The following PTPRO variants were observed in gnomAD, a reference collection of about 807,000 sequenced individuals.
PTPRO encodes the protein protein tyrosine phosphatase receptor type O.
A neutral mutation model predicts 145.2 loss-of-function variants in PTPRO; 62 were observed. That is an observed-to-expected ratio of 0.43 (90% confidence interval 0.35 to 0.53). The LOEUF is 0.53. Among genes scored for constraint, PTPRO ranks in the 20% least tolerant of loss-of-function variants. The probability of loss-of-function intolerance (pLI) is 0.01; values close to 1 mark genes in which losing one functional copy is unlikely to be tolerated. For synonymous variants in PTPRO, 565 were observed against 514.7 expected (o/e 1.10, Z -1.32); for missense variants, 1,345 against 1,482.7 (o/e 0.91, Z 1.53).
chr12:15,410,352 T>G (rs1189355104), intron 1 of PTPRO: 2 of 152,306 alleles, frequency 1.3e-5, no homozygotes, highest in Non-Finnish European at 2.9e-5. Flanking sequence ...GGTGGCATAC[T>G]CCAATATGGA....
intron 19 of PTPRO, among the ~76,000 whole-genome samples, chr12:15,576,222 C>A (rs1181063202): frequency 6.6e-6 from 1 of 152,204 alleles, no homozygotes; most frequent in Non-Finnish European, 1.5e-5. Flanking sequence ...AGCTGCTGAA[C>A]TGGAAACTTA....
intron 17 of PTPRO, among the ~76,000 whole-genome samples, chr12:15,564,961 A>G (rs1306894453): frequency 6.6e-6 from 1 of 152,220 alleles, no homozygotes; most frequent in Non-Finnish European, 1.5e-5. Context: ...TAACTAAAGC[A>G]TGCATTAGCA....
chr12:15,432,359 T>G (rs1940465792), intron 1 of PTPRO, among the ~76,000 whole-genome samples: 1 of 152,254 alleles, frequency 6.6e-6, no homozygotes, highest in Non-Finnish European at 1.5e-5. Flanking sequence ...CTGCATAGTA[T>G]TCTATGATGT....
chr12:15,583,471 C>CTCTA (rs948151119), intron 23 of PTPRO, among the ~76,000 whole-genome samples: 1 of 147,826 alleles, frequency 6.8e-6, no homozygotes, highest in African/African-American at 2.5e-5. Flanking sequence ...AAGAGCAAGA[C>CTCTA]TCTATCTCCA....
At position 15,443,196 on chromosome 12, in the gene PTPRO, G is replaced by A. The variant is rs181191950; in HGVS notation, c.76-40778G>A. ...CCATCTGATGTGTAGAACACCTAAAGCCATCTGATCTTTGACAAAGTTGAC... is the reference window on the plus strand; with the variant it reads ...CCATCTGATGTGTAGAACACCTAAAACCATCTGATCTTTGACAAAGTTGAC... On this transcript the variant is annotated intron_variant, in intron 1 of 26. Transcript: ENST00000281171. 5.3e-5 allele frequency among the ~76,000 whole-genome samples: 8 copies of A among 151,808 alleles called. No homozygotes were observed. In the East Asian group the frequency reaches 7.7e-4, roughly 15 times the overall value.
intron 1 of PTPRO, among the ~76,000 whole-genome samples, chr12:15,455,505 A>G (rs1404660206): frequency 1.3e-5 from 2 of 152,074 alleles, no homozygotes; most frequent in Non-Finnish European, 2.9e-5. Flanking sequence ...CACCTTTCCA[A>G]TTGTTTGTGT....
chr12:15,435,888 A>C (rs1448163034), intron 1 of PTPRO, among the ~76,000 whole-genome samples: 3 of 152,220 alleles, frequency 2.0e-5, no homozygotes, highest in Non-Finnish European at 2.9e-5. Flanking sequence ...TCAGGCCAAG[A>C]AGTTCTAGTC....
chr12:15,544,405 T>C (rs1250246246), intron 12 of PTPRO, among the ~76,000 whole-genome samples: 1 of 146,394 alleles, frequency 6.8e-6, no homozygotes, highest in Non-Finnish European at 1.5e-5. Flanking sequence ...CTCAGGAGGC[T>C]GAGGCAGGAG....
At chr12:15,433,961 T>C (rs1222099855) in intron 1 of PTPRO, among the ~76,000 whole-genome samples, 1 of 152,250 alleles carries the variant, frequency 6.6e-6, no homozygotes, top group Non-Finnish European at 1.5e-5. Flanking sequence ...TGTTGGTCTG[T>C]GCCTTAAGTT....
intron 1 of PTPRO, among the ~76,000 whole-genome samples, chr12:15,347,993 G>A (rs1225264433): frequency 4.6e-5 from 7 of 151,998 alleles, no homozygotes; most frequent in African/African-American, 1.7e-4. Flanking sequence ...ATTATTTATA[G>A]ATCATCTAAA....
At chr12:15,533,032 A>G (rs907759819) in intron 12 of PTPRO, among the ~76,000 whole-genome samples, 8 of 152,188 alleles carry the variant, frequency 5.3e-5, no homozygotes, top group Non-Finnish European at 1.2e-4. Context: ...TCTATGTGAC[A>G]TCATGGTCGA....
chr12:15,550,750 T>G (rs1423781213), intron 14 of PTPRO, among the ~76,000 whole-genome samples: 1 of 152,238 alleles, frequency 6.6e-6, no homozygotes, highest in Non-Finnish European at 1.5e-5. Flanking sequence ...CTGCTCATTC[T>G]GTGACTTTAT....
chr12:15,469,866 T>A (rs1441516083), intron 1 of PTPRO, among the ~76,000 whole-genome samples: 3 of 152,150 alleles, frequency 2.0e-5, no homozygotes, highest in African/African-American at 7.2e-5. Context: ...CATTAGTTAC[T>A]GTTTTTGGAG....
chr12:15,406,008 C>A (rs1165803472), intron 1 of PTPRO, among the ~76,000 whole-genome samples: 1 of 152,118 alleles, frequency 6.6e-6, no homozygotes, highest in African/African-American at 2.4e-5. Flanking sequence ...TTATTAAAGT[C>A]ATTAAATTTA....
intron 1 of PTPRO, among the ~76,000 whole-genome samples, chr12:15,371,156 A>G (rs1166279044): frequency 6.6e-6 from 1 of 152,114 alleles, no homozygotes; most frequent in African/African-American, 2.4e-5. Context: ...AGAAAAGATG[A>G]TATCTTGTAA....
At chr12:15,452,028 G>C (rs1407769180) in intron 1 of PTPRO, among the ~76,000 whole-genome samples, 1 of 151,806 alleles carries the variant, frequency 6.6e-6, no homozygotes, top group Non-Finnish European at 1.5e-5. Context: ...AAACAAAAAA[G>C]CATGCAAAAG....
At chr12:15,413,943 C>T (rs993427590) in intron 1 of PTPRO, among the ~76,000 whole-genome samples, 2 of 152,058 alleles carry the variant, frequency 1.3e-5, no homozygotes, top group African/African-American at 4.8e-5. Context: ...ATTTAGGAAC[C>T]AGTAATATAT....
chr12:15,483,001 T>C (rs1941811492), intron 1 of PTPRO, among the ~76,000 whole-genome samples: 1 of 152,156 alleles, frequency 6.6e-6, no homozygotes, highest in African/African-American at 2.4e-5. Flanking sequence ...AATGAGATGT[T>C]TTTATATATG....
At chr12:15,389,777 C>T (rs1476491472) in intron 1 of PTPRO, among the ~76,000 whole-genome samples, 1 of 152,146 alleles carries the variant, frequency 6.6e-6, no homozygotes, top group Admixed American at 6.5e-5. Flanking sequence ...TCCAACATTG[C>T]CTGTTTCTTA....
Sources: allele counts gnomAD v4.1 joint callset (sites outside exome capture counted in the v4.1 genomes callset), GRCh38; gene constraint gnomAD v4.1.1; transcripts MANE v1.5; gene names NCBI Gene and HGNC (gene_info 2026-07-23, HGNC 2026-07-21).